The following FAT3 variants were observed in gnomAD, a reference collection of about 807,000 sequenced individuals.
FAT3 encodes the protein FAT atypical cadherin 3, also known as protocadherin Fat 3.
In FAT3, 95 loss-of-function variants were observed where a neutral mutation model predicts 310.2. The ratio of observed to expected loss-of-function variants is 0.31; its 90% confidence interval spans 0.26 to 0.36. FAT3 has a LOEUF of 0.36. FAT3 is among the 10% of genes least tolerant of loss of function. The pLI is 1.00. For missense variants in FAT3, 5,408 were observed against 5,715.6 expected (o/e 0.95, Z 1.74); for synonymous variants, 2,314 against 2,192.9 (o/e 1.06, Z -1.54).
At chr11:92,739,744 C>T (rs1202939669) in intron 4 of FAT3, among the ~76,000 whole-genome samples, 1 of 152,214 alleles carries the variant, frequency 6.6e-6, no homozygotes, top group African/African-American at 2.4e-5. Flanking sequence ...GTTAAACTCT[C>T]TACATGCTTG....
At chr11:92,438,792 T>G (rs1355127459) in intron 2 of FAT3, among the ~76,000 whole-genome samples, 1 of 152,192 alleles carries the variant, frequency 6.6e-6, no homozygotes, top group Non-Finnish European at 1.5e-5. Context: ...TTTATCCCCA[T>G]GTAGTAGATG....
At position 92,697,458 on chromosome 11, in the gene FAT3, A is replaced by G; in HGVS notation, c.3669+13A>G. On this transcript the variant is annotated intron_variant, in intron 4 of 27. Coordinates refer to ENST00000525166, the MANE Select transcript of FAT3 (RefSeq NM_001367949.2). ...ACATTTTCTGGAGGTAAGCGCATAG[A>G]GGGAACTGAAATTCATTAAAACTGA... is the stretch of plus-strand genomic sequence containing the variant. The G allele has an allele frequency of 6.2e-7, 1 of 1,613,520 alleles. No homozygotes were observed. The highest frequency in any genetic ancestry group is 8.5e-7 in the Non-Finnish European group (1 of 1,179,538).
chr11:92,266,821 C>T lies in FAT3; in HGVS notation c.-18+41647C>T, dbSNP rs1174805046. 2.0e-5 allele frequency among the ~76,000 whole-genome samples: 3 copies of T among 152,090 alleles called. No homozygotes were observed. The East Asian group carries it at 5.8e-4, about 29-fold the overall frequency. ...GCCATTAGAAAATCTAGGCTTGGTT[C>T]TTGGGTGCCTTTTCCTGATTTCACC... On this transcript the variant is annotated intron_variant, in intron 1 of 27. Transcript: ENST00000525166.
At chr11:92,762,277 C>A (rs1946171784) in intron 5 of FAT3, 107 bp downstream of exon 5, 1 of 1,175,198 alleles carries the variant, frequency 8.5e-7, no homozygotes, top group South Asian at 1.6e-5. Flanking sequence ...AAAGTGAAGC[C>A]ACACAGCTGT....
intron 1 of FAT3, among the ~76,000 whole-genome samples, chr11:92,319,644 A>G (rs906557527): frequency 5.9e-5 from 9 of 152,198 alleles, no homozygotes; most frequent in African/African-American, 1.9e-4. Context: ...AGGAGAATAT[A>G]ATATTGAGGA....
intron 4 of FAT3, among the ~76,000 whole-genome samples, chr11:92,753,962 G>A (rs1178728234): frequency 6.6e-6 from 1 of 151,758 alleles, no homozygotes; most frequent in Non-Finnish European, 1.5e-5. Flanking sequence ...AAGATGCAAA[G>A]GCATACAATG....
At chr11:92,705,446 TGTGATGGTG>T in intron 4 of FAT3, among the ~76,000 whole-genome samples, 1 of 65,712 alleles carries the variant, frequency 1.5e-5, no homozygotes, top group African/African-American at 4.8e-5. Flanking sequence ...ATGGTGGTGG[TGTGATGGTG>T]GTGTGATGGT....
At chr11:92,253,409 C>CT (rs1389691013) in intron 1 of FAT3, among the ~76,000 whole-genome samples, 1 of 152,106 alleles carries the variant, frequency 6.6e-6, no homozygotes, top group Non-Finnish European at 1.5e-5. Flanking sequence ...GAGCCCTCTT[C>CT]TTTTTGGAGG....
chr11:92,280,125 A>G (rs1946383932), intron 1 of FAT3, among the ~76,000 whole-genome samples: 1 of 152,174 alleles, frequency 6.6e-6, no homozygotes, highest in African/African-American at 2.4e-5. Flanking sequence ...TTGTTGAACT[A>G]GTGCTAAAGT....
At position 92,386,692 on chromosome 11, in the gene FAT3, C is replaced by T. The variant is rs141487555; in HGVS notation, c.3292+31288C>T. ...GAGAAGATTCATGAAACAATAAATA[C>T]GTGGTGAGCCATTTGGTACTCAGTT... On this transcript the variant is annotated intron_variant, in intron 2 of 27. Transcript: ENST00000525166. Among the ~76,000 whole-genome samples the T allele has an allele frequency of 7.4e-4, 112 of 152,280 alleles. 1 individual carries two copies. Among genetic ancestry groups the T allele is most frequent in the African/African-American group, 2.5e-3 (105 of 41,566 alleles).
intron 3 of FAT3, among the ~76,000 whole-genome samples, chr11:92,525,776 A>G (rs547693732): frequency 6.6e-6 from 1 of 152,294 alleles, no homozygotes; most frequent in Non-Finnish European, 1.5e-5. Flanking sequence ...TATTGGTTCA[A>G]AAAGTTAGGC....
intron 3 of FAT3, among the ~76,000 whole-genome samples, chr11:92,574,564 G>A (rs1244075054): frequency 1.3e-5 from 2 of 152,196 alleles, no homozygotes; most frequent in Non-Finnish European, 2.9e-5. Flanking sequence ...CATAACAGGG[G>A]GAGGAAGCAG....
chr11:92,485,872 TG>T (rs1180075639), intron 2 of FAT3, among the ~76,000 whole-genome samples: 2 of 152,002 alleles, frequency 1.3e-5, no homozygotes, highest in Non-Finnish European at 2.9e-5. Flanking sequence ...CTGGGTAATT[TG>T]CAACCTTATC....
intron 3 of FAT3, among the ~76,000 whole-genome samples, chr11:92,668,703 T>C (rs1366128506): frequency 6.6e-6 from 1 of 152,262 alleles, no homozygotes; most frequent in Admixed American, 6.5e-5. Context: ...CCTAGCACCA[T>C]GGATGACATA....
intron 2 of FAT3, among the ~76,000 whole-genome samples, chr11:92,380,719 G>A (rs1016686519): frequency 6.6e-6 from 1 of 152,138 alleles, no homozygotes; most frequent in African/African-American, 2.4e-5. Context: ...GGAAGGATAT[G>A]GGATCACATT....
At chr11:92,886,747 C>T (rs2136430059) in intron 24 of FAT3, 1 of 428,548 alleles carries the variant, frequency 2.3e-6, no homozygotes, top group South Asian at 3.6e-5. Flanking sequence ...AAGAAACAGC[C>T]ACTTTTGGCT....
intron 2 of FAT3, among the ~76,000 whole-genome samples, chr11:92,496,162 A>G (rs1167977280): frequency 6.6e-6 from 1 of 152,000 alleles, no homozygotes; most frequent in East Asian, 1.9e-4. Context: ...TACCGAATGG[A>G]CAATTAATAC....
At chr11:92,640,861 T>C (rs1941933158) in intron 3 of FAT3, among the ~76,000 whole-genome samples, 1 of 152,180 alleles carries the variant, frequency 6.6e-6, no homozygotes, top group South Asian at 2.1e-4. Context: ...TGGCTTCCTG[T>C]CCATCATTCA....
rs2136408964 is a variant in FAT3, at chr11:92,882,830, C to T, written c.12374C>T (p.Thr4125Met). The T allele has an allele frequency of 6.2e-7, 1 of 1,611,580 alleles. No homozygotes were observed. The highest frequency in any genetic ancestry group is 8.5e-7 in the Non-Finnish European group (1 of 1,179,110). ...NVFGSFLCNC[T>M]PGYVGQYCGL... ...TTCGGCTCCTTCCTCTGCAACTGCA[C>T]GCCGGGCTACGTGGGCCAGTACTGC... The change falls in exon 24 of 28, where the codon ACG becomes ATG. Residue 4125 changes from threonine (T) to methionine (M), a missense_variant. By Grantham distance (81) the Thr-to-Met change is moderately conservative. Transcript: ENST00000525166.
Sources: gnomAD v4.1 joint callset for allele counts (sites outside exome capture counted in the v4.1 genomes callset) on GRCh38, gnomAD v4.1.1 for gene constraint, MANE v1.5 for transcripts, NCBI Gene and HGNC (gene_info 2026-07-23, HGNC 2026-07-21) for gene names.